The following MPPED2 variants were observed in gnomAD, a reference collection of about 807,000 sequenced individuals.
MPPED2 encodes metallophosphoesterase domain containing 2.
MPPED2 carries 5 observed loss-of-function variants against 33.0 expected under a neutral mutation model. The observed-to-expected ratio is 0.15, with a 90% confidence interval of 0.08 to 0.32. MPPED2 has a LOEUF of 0.32. MPPED2 is among the 10% of genes least tolerant of loss of function. The probability of loss-of-function intolerance (pLI) is 1.00; values close to 1 mark genes in which losing one functional copy is unlikely to be tolerated. For synonymous variants in MPPED2, 136 were observed against 141.9 expected, an observed-to-expected ratio of 0.96 and a Z score of 0.29; for missense variants, 275 against 372.1, an observed-to-expected ratio of 0.74 and a Z score of 2.15.
chr11:30,586,623 T>C (rs79188579), upstream of MPPED2: 7,837 of 152,288 alleles, frequency 0.051, 260 homozygotes, highest in Middle Eastern at 0.078. The surrounding 1 kb of genome is among the most constrained non-coding windows in gnomAD (Gnocchi z 4.8). Context: ...GAGTGCGATC[T>C]GCGTAAAAAA....
chr11:30,388,858 A>G (rs1390198776), exon 7 of MPPED2: 5 of 1,531,834 alleles, frequency 3.3e-6, no homozygotes, highest in South Asian at 2.5e-5. Flanking sequence ...CAGATCATCA[A>G]TTAATTGTGT....
intron 2 of MPPED2, among the ~76,000 whole-genome samples, chr11:30,540,794 G>A (rs1955061796): frequency 1.3e-5 from 2 of 152,086 alleles, no homozygotes; most frequent in African/African-American, 4.8e-5. Context: ...TAAGAACCCA[G>A]TCCCTTTTCC....
intron 2 of MPPED2, among the ~76,000 whole-genome samples, chr11:30,557,474 C>T (rs149225175): frequency 6.6e-6 from 1 of 152,084 alleles, no homozygotes; most frequent in Non-Finnish European, 1.5e-5. Flanking sequence ...TATTAGCTCT[C>T]ACTATTGTAT....
At chr11:30,445,428 A>G (rs902069714) in intron 4 of MPPED2, among the ~76,000 whole-genome samples, 9 of 152,222 alleles carry the variant, frequency 5.9e-5, no homozygotes, top group Non-Finnish European at 1.2e-4. Flanking sequence ...AGTTGTCACT[A>G]ATTAGTGTAA....
At chr11:30,557,625 A>G (rs71482073) in intron 2 of MPPED2, among the ~76,000 whole-genome samples, 3,184 of 152,316 alleles carry the variant, frequency 0.021, 55 homozygotes, top group Non-Finnish European at 0.031. Context: ...CCAATCAATA[A>G]ACATCTCTAA....
chr11:30,401,497 C>T (rs1296641087), intron 6 of MPPED2, among the ~76,000 whole-genome samples: 2 of 152,232 alleles, frequency 1.3e-5, no homozygotes, highest in South Asian at 2.1e-4. Flanking sequence ...AAGATATGTA[C>T]TGGGTGTGCC....
At chr11:30,478,507 C>T (rs1172813936) in intron 4 of MPPED2, among the ~76,000 whole-genome samples, 2 of 151,988 alleles carry the variant, frequency 1.3e-5, no homozygotes. Flanking sequence ...ATGTTCACTA[C>T]ATTACTCATA....
intron 3 of MPPED2, among the ~76,000 whole-genome samples, chr11:30,527,549 G>C (rs900384323): frequency 1.3e-5 from 2 of 151,964 alleles, no homozygotes; most frequent in African/African-American, 4.8e-5. Flanking sequence ...ACAGGAAATG[G>C]GGAAGAGGGA....
intron 4 of MPPED2, among the ~76,000 whole-genome samples, chr11:30,442,352 GTCT>G (rs1488631334): frequency 7.2e-5 from 11 of 152,298 alleles, no homozygotes; most frequent in African/African-American, 1.9e-4. Flanking sequence ...ATAGGAAAGA[GTCT>G]ACAAAAAGCA....
At chr11:30,464,268 A>AACACACACACAC (rs10660237) in intron 4 of MPPED2, among the ~76,000 whole-genome samples, 1,628 of 145,990 alleles carry the variant, frequency 0.011, 28 homozygotes, top group African/African-American at 0.036. Context: ...AAAGGATACT[A>AACACACACACAC]ACACACACAC....
At chr11:30,451,114 G>C (rs1484690527) in intron 4 of MPPED2, among the ~76,000 whole-genome samples, 1 of 152,202 alleles carries the variant, frequency 6.6e-6, no homozygotes, top group Non-Finnish European at 1.5e-5. Flanking sequence ...AGGGGTCTGG[G>C]CAAATCGGTT....
chr11:30,478,607 C>A (rs1300427153), intron 4 of MPPED2, among the ~76,000 whole-genome samples: 1 of 152,064 alleles, frequency 6.6e-6, no homozygotes, highest in Non-Finnish European at 1.5e-5. Flanking sequence ...TAATTTACTT[C>A]TATCCATCTA....
intron 6 of MPPED2, among the ~76,000 whole-genome samples, chr11:30,404,077 G>A (rs1947952897): frequency 6.6e-6 from 1 of 152,138 alleles, no homozygotes; most frequent in Non-Finnish European, 1.5e-5. Context: ...AGAATACAAG[G>A]TCTTGCATCC....
chr11:30,566,876 G>T (rs892904115), intron 2 of MPPED2, among the ~76,000 whole-genome samples: 2 of 152,190 alleles, frequency 1.3e-5, no homozygotes, highest in Non-Finnish European at 2.9e-5. Flanking sequence ...GGTTCTGGGA[G>T]TATGTATAAG....
At chr11:30,561,242 C>A (rs897320299) in intron 2 of MPPED2, among the ~76,000 whole-genome samples, 1 of 152,148 alleles carries the variant, frequency 6.6e-6, no homozygotes, top group Admixed American at 6.5e-5. Flanking sequence ...TTGGACTCTG[C>A]ACAATGTGTA....
intron 3 of MPPED2, among the ~76,000 whole-genome samples, chr11:30,503,013 A>G (rs1414483257): frequency 6.6e-6 from 1 of 152,166 alleles, no homozygotes; most frequent in Non-Finnish European, 1.5e-5. Flanking sequence ...TGCCTGTGAT[A>G]TGGTTTGGCT....
chr11:30,581,151 C>T (rs1957147660), intron 1 of MPPED2, among the ~76,000 whole-genome samples: 1 of 152,012 alleles, frequency 6.6e-6, no homozygotes, highest in Non-Finnish European at 1.5e-5. Context: ...TTTCAACACT[C>T]CAGTCACTCA....
intron 4 of MPPED2, among the ~76,000 whole-genome samples, chr11:30,460,051 G>A (rs1440892907): frequency 2.0e-5 from 3 of 152,116 alleles, no homozygotes; most frequent in East Asian, 1.9e-4. Flanking sequence ...AAAGGCACAC[G>A]GGGCATTTTG....
At chr11:30,432,060 T>G (rs1213542459) in intron 4 of MPPED2, among the ~76,000 whole-genome samples, 1 of 152,034 alleles carries the variant, frequency 6.6e-6, no homozygotes, top group African/African-American at 2.4e-5. Context: ...TCCTGGCTAC[T>G]TGGGAGGCTG....
Sources: allele counts gnomAD v4.1 joint callset (sites outside exome capture counted in the v4.1 genomes callset), GRCh38; gene constraint gnomAD v4.1.1; non-coding constraint Gnocchi (gnomAD v3.1); transcripts MANE v1.5; gene names NCBI Gene and HGNC (gene_info 2026-07-23, HGNC 2026-07-21).